Variants in MYBPC1 observed in about 807,000 individuals in gnomAD.
MYBPC1 encodes the protein myosin-binding protein C, slow-type.
Under a neutral mutation model 147.1 loss-of-function variants are expected in MYBPC1, and 52 were observed. The observed-to-expected ratio is 0.35, with a 90% CI of 0.28 to 0.45. MYBPC1 has a LOEUF of 0.45. MYBPC1 is among the 20% of genes least tolerant of loss of function. MYBPC1 has a pLI of 1.00. For synonymous variants in MYBPC1, 477 were observed against 475.9 expected, an observed-to-expected ratio of 1.00 and a Z score of -0.03; for missense variants, 1,228 against 1,440.3, an observed-to-expected ratio of 0.85 and a Z score of 2.39.
the MYBPC1 span, among the ~76,000 whole-genome samples, chr12:101,694,213 A>G: frequency 2.2e-3 from 338 of 152,316 alleles, no homozygotes; most frequent in African/African-American, 8.0e-3. Flanking sequence ...CTATAATTGC[A>G]TTTACCTTCC....
At chr12:101,627,733 C>T in intron 4 of MYBPC1, 36 bp from the exon 5 acceptor site, 1 of 1,610,634 alleles carries the variant, frequency 6.2e-7, no homozygotes, top group Non-Finnish European at 8.5e-7. Context: ...CCCCTTTCCA[C>T]CCCTCTGCAT....
chr12:101,678,322 C>G, intron 28 of MYBPC1, 84 bp downstream of exon 28: 1 of 1,562,860 alleles, frequency 6.4e-7, no homozygotes, highest in Non-Finnish European at 8.8e-7. Context: ...TAAACAAATC[C>G]AGCTGCTACT....
At chr12:101,688,953 CAA>C (rs748533294), downstream of MYBPC1, among the ~76,000 whole-genome samples, 18 of 68,262 alleles carry the variant, frequency 2.6e-4, no homozygotes, top group South Asian at 4.8e-4. Context: ...GACCGTATCT[CAA>C]AAAAAAAAAA....
intron 9 of MYBPC1, among the ~76,000 whole-genome samples, 174 bp from the exon 10 acceptor site, chr12:101,636,498 A>G (rs754648410): frequency 2.0e-5 from 3 of 152,202 alleles, no homozygotes; most frequent in Non-Finnish European, 2.9e-5. Flanking sequence ...ACTTTTCCAC[A>G]AGTACATACT....
At chr12:101,684,979 G>T (rs1478281561) in intron 31 of MYBPC1, among the ~76,000 whole-genome samples, 2 of 152,128 alleles carry the variant, frequency 1.3e-5, no homozygotes, top group Admixed American at 6.5e-5. Context: ...CAGAAACTCA[G>T]AAGGTAGGTA....
chr12:101,649,553 A>C, intron 15 of MYBPC1, 127 bp downstream of exon 15: 3 of 1,135,646 alleles, frequency 2.6e-6, no homozygotes, highest in Non-Finnish European at 3.9e-6. Context: ...AATGGATTTC[A>C]TTCCAGCTAA....
In MYBPC1 at chr12:101,675,301, G is replaced by A. The variant is rs1434227402; in HGVS notation, c.2819G>A (p.Gly940Asp). The change falls in exon 26 of 32, where the codon GGT (glycine) becomes GAT (aspartate). Residue 940 changes from glycine to aspartate, a missense_variant. This residue lies in a region of MYBPC1 where 1,077 missense variants were observed against 1,314.2 expected (regional missense o/e 0.82). Coordinates refer to ENST00000361466, the MANE Select transcript of MYBPC1 (RefSeq NM_002465.4). ...TGAATTCATCCTGTAGACCGTCCAGGTCCACCCCAAATTGTGAAGATTGAG... is the reference window on the plus strand; with the variant it reads ...TGAATTCATCCTGTAGACCGTCCAGATCCACCCCAAATTGTGAAGATTGAG... The part of the protein sequence containing the change: ...SIDIQIIDRP[G>D]PPQIVKIEDV... The A allele has an allele frequency of 1.2e-6, 2 of 1,614,044 alleles. No homozygotes were observed. Among genetic ancestry groups the A allele is most frequent in the Non-Finnish European group, 1.7e-6 (2 of 1,179,960 alleles).
At chr12:101,636,904 C>T (rs933542205) in intron 10 of MYBPC1, 176 bp downstream of exon 10, 1 of 602,848 alleles carries the variant, frequency 1.7e-6, no homozygotes. Flanking sequence ...GCATACTAAT[C>T]TTTTAAAGCC....
intron 25 of MYBPC1, 98 bp downstream of exon 25, chr12:101,673,720 C>T: frequency 1.5e-6 from 2 of 1,331,128 alleles, no homozygotes; most frequent in South Asian, 2.4e-5. Context: ...GTTAGGCTGG[C>T]TCTACATAAA....
chr12:101,677,275 C>A lies in MYBPC1; in HGVS notation c.2990C>A (p.Ala997Asp). The A allele has an allele frequency of 1.2e-6, 2 of 1,613,558 alleles. No homozygotes were observed. Among genetic ancestry groups the A allele is most frequent in the South Asian group, 2.2e-5 (2 of 91,060 alleles). The change falls in exon 27 of 32, where the codon GCC becomes GAC. Residue 997 changes from alanine (A) to aspartate (D), a missense_variant. This residue lies in a region of MYBPC1 where 1,077 missense variants were observed against 1,314.2 expected (regional missense o/e 0.82). Transcript: ENST00000361466. ...ATTGAGCATTATCATCGAACCAGTG[C>A]CACCATTACTGAATTGGTCATAGGG... is the stretch of plus-strand genomic sequence containing the variant. Reference protein sequence around the residue: ...TVIEHYHRTSATITELVIGNE... With the variant: ...TVIEHYHRTSDTITELVIGNE...
At chr12:101,624,193 A>G (rs1247719888) in intron 3 of MYBPC1, among the ~76,000 whole-genome samples, 3 of 152,128 alleles carry the variant, frequency 2.0e-5, no homozygotes, top group African/African-American at 7.2e-5. Flanking sequence ...CACATGACCC[A>G]GTAAATCACC....
In MYBPC1 at chr12:101,636,672, T is replaced by C. The variant is rs1221282796; in HGVS notation, c.609T>C (p.Ser203=). ...TTTGCTTTTCTTTTGTTAACGACAGTGGAGAAGGTCAAGAGGATGCAGGAG... is the reference window on the plus strand; with the variant it reads ...TTTGCTTTTCTTTTGTTAACGACAGCGGAGAAGGTCAAGAGGATGCAGGAG... ...NIDIRSAFKR[S]GEGQEDAGEL... Residue 203 remains serine, a splice_region_variant and synonymous_variant, in exon 10 of 32, where the codon AGT becomes AGC. Transcript: ENST00000361466. The C allele has an allele frequency of 6.2e-6, 10 of 1,613,486 alleles. No individual in the cohort carries two copies. Among genetic ancestry groups the C allele is most frequent in the Non-Finnish European group, 8.5e-6 (10 of 1,179,574 alleles).
chr12:101,629,088 T>C (rs973704166), intron 5 of MYBPC1: 1 of 360,392 alleles, frequency 2.8e-6, no homozygotes. Flanking sequence ...GAGTACTGCT[T>C]GAATACACTG....
At chr12:101,614,312 G>A (rs1481184197) in intron 1 of MYBPC1, among the ~76,000 whole-genome samples, 184 bp from the exon 2 acceptor site, 5 of 148,186 alleles carry the variant, frequency 3.4e-5, no homozygotes, top group Non-Finnish European at 7.4e-5. Flanking sequence ...GCAGTAGGGT[G>A]TGTGTGTGTG....
At chr12:101,607,929 C>A (rs1882864559) in intron 1 of MYBPC1, among the ~76,000 whole-genome samples, 2 of 152,130 alleles carry the variant, frequency 1.3e-5, no homozygotes, top group South Asian at 4.1e-4. Flanking sequence ...GAAATGGACT[C>A]CATTGGAGAG....
intron 26 of MYBPC1, among the ~76,000 whole-genome samples, chr12:101,675,916 A>G (rs11110954): frequency 0.22 from 32,889 of 152,224 alleles, 3,935 homozygotes; most frequent in Middle Eastern, 0.35. Flanking sequence ...CAGTTAGAAC[A>G]GAAAGATTCT....
intron 30 of MYBPC1, among the ~76,000 whole-genome samples, chr12:101,684,134 A>G (rs906615594): frequency 6.6e-6 from 1 of 152,162 alleles, no homozygotes; most frequent in Non-Finnish European, 1.5e-5. Flanking sequence ...TTTGCCACCT[A>G]TTCAGGCAAA....
intron 8 of MYBPC1, among the ~76,000 whole-genome samples, chr12:101,632,824 G>A (rs894156715): frequency 6.6e-6 from 1 of 152,130 alleles, no homozygotes; most frequent in Non-Finnish European, 1.5e-5. Flanking sequence ...CCAACTCCTG[G>A]GTTCAAGCAG....
In MYBPC1 at chr12:101,644,725, T is replaced by G; in HGVS notation, c.894T>G (p.Val298=). Residue 298 remains valine (V), a synonymous_variant, in exon 12 of 32, where the codon GTT becomes GTG. Coordinates refer to ENST00000361466, the MANE Select transcript of MYBPC1 (RefSeq NM_002465.4). ...ACAAAGGAGGCAGAGTGAGGTTTGT[T>G]GTGGAGCTGGCAGATCCAAAGTTGG... The part of the protein sequence containing the change: ...QVDKGGRVRF[V]VELADPKLEV... 1.9e-6 allele frequency: 3 copies of G among 1,614,104 alleles called. No individual in the cohort carries two copies. Among genetic ancestry groups the G allele is most frequent in the Non-Finnish European group, 2.5e-6 (3 of 1,179,966 alleles).
Sources: gnomAD v4.1 joint callset for allele counts (sites outside exome capture counted in the v4.1 genomes callset) on GRCh38, gnomAD v4.1.1 for gene constraint, gnomAD v4.1.1 regional missense constraint, MANE v1.5 for transcripts, NCBI Gene and HGNC (gene_info 2026-07-23, HGNC 2026-07-21) for gene names.